Variants in KDM5C observed in about 807,000 individuals in gnomAD.
The protein encoded by KDM5C is lysine demethylase 5C, also known as lysine-specific demethylase 5C.
A neutral mutation model predicts 110.6 loss-of-function variants in KDM5C; 16 were observed. That is an observed-to-expected ratio of 0.14 (90% CI 0.10 to 0.22). The LOEUF is 0.22. Ranked by LOEUF, KDM5C falls within the 10% of genes least tolerant of loss-of-function variation. The probability of loss-of-function intolerance (pLI) is 1.00; values close to 1 mark genes in which losing one functional copy is unlikely to be tolerated. For missense variants in KDM5C, 681 were observed against 1,300.9 expected (o/e 0.52, Z 7.33); for synonymous variants, 511 against 520.4 (o/e 0.98, Z 0.24).
At chrX:53,197,621 C>A in intron 18 of KDM5C, 150 bp downstream of exon 18, 1 of 509,825 alleles carries the variant, frequency 2.0e-6, no homozygotes, top group South Asian at 2.6e-5. Context: ...AGTCACTAGA[C>A]CCTTGCCTCA....
At chrX:53,176,743 G>A (rs183794537) in intron 25 of KDM5C, among the ~76,000 whole-genome samples, 173 of 112,225 alleles carry the variant, frequency 1.5e-3, no homozygotes, top group African/African-American at 5.2e-3. Context: ...ATGTTAAAAC[G>A]TGGATCAATC....
chrX:53,192,861 A>ACCCCGCCCCCCCC lies in KDM5C; in HGVS notation c.*105_*106insGGGGGGGGCGGGG. On this transcript the variant is annotated 3_prime_UTR_variant, in exon 26 of 26. Coordinates refer to ENST00000375401, the MANE Select transcript of KDM5C (RefSeq NM_004187.5). ...GGGTGGGCGGGTAGCAGGGATGGCC[A>ACCCCGCCCCCCCC]CCCCCCTACCCGCCCACCCCCCAAG... The ACCCCGCCCCCCCC allele has an allele frequency of 2.0e-6, 1 of 502,015 alleles. No individual in the cohort carries two copies. Among genetic ancestry groups the ACCCCGCCCCCCCC allele is most frequent in the Non-Finnish European group, 2.9e-6 (1 of 347,657 alleles). The allele number at this position is 502,015 out of a possible 1,213,427, so 41.4% of individuals were successfully genotyped here. A position where few individuals can be genotyped will look rare whatever the true frequency, so the allele number is the denominator to read the frequency against.
In KDM5C at chrX:53,192,862, C is replaced by A; in HGVS notation, c.*105G>T. 4.2e-6 allele frequency: 3 copies of A among 720,063 alleles called. No homozygotes were observed. The highest frequency in any genetic ancestry group is 5.4e-6 in the Non-Finnish European group (3 of 551,860). The allele number at this position is 720,063 out of a possible 1,213,427, so 59.3% of individuals were successfully genotyped here. A position where few individuals can be genotyped will look rare whatever the true frequency, so the allele number is the denominator to read the frequency against. ...GGTGGGCGGGTAGCAGGGATGGCCA[C>A]CCCCCTACCCGCCCACCCCCCAAGA... On this transcript the variant is annotated 3_prime_UTR_variant, in exon 26 of 26. Transcript: ENST00000375401.
intron 22 of KDM5C, 42 bp from the exon 23 acceptor site, chrX:53,194,780 C>T: frequency 8.3e-7 from 1 of 1,207,241 alleles, no homozygotes; most frequent in Non-Finnish European, 1.1e-6. Context: ...CAGCAGCCTA[C>T]CCCTTCCCTT....
At chrX:53,186,978 G>C (rs1212600553), downstream of KDM5C, among the ~76,000 whole-genome samples, 1 of 112,504 alleles carries the variant, frequency 8.9e-6, no homozygotes, top group Non-Finnish European at 1.9e-5. Context: ...ATAAGCACCA[G>C]AGAGAGTCCA....
intron 12 of KDM5C, 147 bp downstream of exon 12, chrX:53,210,267 A>C: frequency 1.0e-5 from 7 of 685,476 alleles, no homozygotes; most frequent in Non-Finnish European, 1.6e-5. Flanking sequence ...GGTCTCTACT[A>C]GACTAGTCAA....
intron 1 of KDM5C, chrX:53,221,922 C>G: frequency 3.5e-6 from 1 of 287,702 alleles, no homozygotes; most frequent in South Asian, 3.4e-5. Flanking sequence ...GAAGAACCCC[C>G]TCTCCAACAC....
At position 53,217,280 on chromosome X, in the gene KDM5C, G is replaced by A. The variant is rs371886616; in HGVS notation, c.523-3C>T. Reference sequence around the variant, plus strand: ...TCAAATGGACGTGTGTTACACTGCTGGGGACAGGTAAGGGGTAAGGGTCAG... The same window carrying A: ...TCAAATGGACGTGTGTTACACTGCTAGGGACAGGTAAGGGGTAAGGGTCAG... On this transcript the variant is annotated splice_polypyrimidine_tract_variant and splice_region_variant and intron_variant, in intron 4 of 25. Transcript: ENST00000375401. 53 of 1,208,527 alleles carry A rather than the reference G, an allele frequency of 4.4e-5. No individual in the cohort carries two copies. In the African/African-American group the frequency reaches 8.3e-4, roughly 19 times the overall value.
rs781907913 is a variant in KDM5C at position 53,193,266 on chromosome X, T to TCCG, written c.4381_4383dup (p.Arg1461dup). On this transcript the variant is annotated inframe_insertion, in exon 26 of 26. Coordinates refer to ENST00000375401, the MANE Select transcript of KDM5C (RefSeq NM_004187.5). ...TCGCCCTCCCCACCCCGATCCACCT[T>TCCG]CCGCCGCCGCCGCCTCTCCAGGGCC... The TCCG allele has an allele frequency of 3.6e-5, 43 of 1,206,229 alleles. No homozygotes were observed. Among genetic ancestry groups the TCCG allele is most frequent in the East Asian group, 1.8e-4 (6 of 33,663 alleles).
In KDM5C at chrX:53,198,530, C is replaced by G; in HGVS notation, c.2476G>C (p.Val826Leu). The G allele has an allele frequency of 8.3e-7, 1 of 1,208,101 alleles. No individual in the cohort carries two copies. The highest frequency in any genetic ancestry group is 1.1e-6 in the Non-Finnish European group (1 of 893,490). Residue 826 changes from valine to leucine, a missense_variant, in exon 17 of 26, where the codon GTG (valine) becomes CTG (leucine). Coordinates refer to ENST00000375401, the MANE Select transcript of KDM5C (RefSeq NM_004187.5). ...CTGACCAGTCCCAGAGCTCGGGACA[C>G]GCAAGCCTCTGCCTCACTCAGGCAG... ...KNCLSEAEAC[V>L]SRALGLVSGQ...
intron 10 of KDM5C, among the ~76,000 whole-genome samples, chrX:53,211,176 A>C (rs999976667): frequency 8.9e-6 from 1 of 111,945 alleles, no homozygotes; most frequent in African/African-American, 3.3e-5. Flanking sequence ...TCTCCTGTGC[A>C]TACAAACCCC....
chrX:53,217,389 C>T, intron 4 of KDM5C, 112 bp from the exon 5 acceptor site: 2 of 900,550 alleles, frequency 2.2e-6, no homozygotes. Flanking sequence ...CTCACCTGAC[C>T]CACACCAACA....
rs1556842168 is a variant in KDM5C, at chrX:53,201,924, C to T, written c.1796G>A (p.Arg599His). 2 of 1,211,823 alleles carry T rather than the reference C, an allele frequency of 1.7e-6. No individual in the cohort carries two copies. Among genetic ancestry groups the T allele is most frequent in the Admixed American group, 2.2e-5 (1 of 46,063 alleles). ...CAGEFVITFPRAYHSGFNQGY... is the reference protein window; with the variant it reads ...CAGEFVITFPHAYHSGFNQGY... Reference sequence around the variant, plus strand: ...TTGGTTGAAGCCGCTGTGGTAAGCACGGGGGAAGGTGATGACAAACTCTCC... The same window carrying T: ...TTGGTTGAAGCCGCTGTGGTAAGCATGGGGGAAGGTGATGACAAACTCTCC... Residue 599 changes from arginine (R) to histidine (H), a missense_variant, in exon 13 of 26, where the codon CGT becomes CAT. By Grantham distance (29) the Arg-to-His change is conservative. Around this residue, in one of 14 missense-constraint regions of KDM5C, gnomAD observed 41 missense variants for 205.9 expected, o/e 0.20. Coordinates refer to ENST00000375401, the MANE Select transcript of KDM5C (RefSeq NM_004187.5).
chrX:53,215,555 A>G (rs922733151), intron 7 of KDM5C, among the ~76,000 whole-genome samples: 5 of 111,722 alleles, frequency 4.5e-5, no homozygotes, highest in Non-Finnish European at 7.5e-5. Flanking sequence ...GAAGCAATGG[A>G]GAGTGAGACT....
At chrX:53,223,543 C>T (rs2073951676) in intron 1 of KDM5C, among the ~76,000 whole-genome samples, 1 of 111,652 alleles carries the variant, frequency 9.0e-6, no homozygotes, top group African/African-American at 3.3e-5. Flanking sequence ...AGCCAGGAGA[C>T]ACCCACTCAA....
chrX:53,177,488 G>T (rs1229273520), intron 25 of KDM5C, among the ~76,000 whole-genome samples: 2 of 112,838 alleles, frequency 1.8e-5, no homozygotes, highest in Non-Finnish European at 1.9e-5. Context: ...AGTAAGGAAT[G>T]ATTGTGAATT....
rs782431900 is a variant in KDM5C at position 53,194,194 on chromosome X, G to C, written c.3983C>G (p.Pro1328Arg). 4.1e-6 allele frequency: 5 copies of C among 1,209,216 alleles called. No homozygotes were observed. The South Asian group carries it at 8.8e-5, about 21-fold the overall frequency. Residue 1328 changes from proline (P) to arginine (R), a missense_variant, in exon 23 of 26, where the codon CCT becomes CGT. By Grantham distance (103) the Pro-to-Arg change is moderately radical (BLOSUM62 -2). Coordinates refer to ENST00000375401, the MANE Select transcript of KDM5C (RefSeq NM_004187.5). ...EPRPEEPPNYPAAPASDPLRE... is the reference protein window; with the variant it reads ...EPRPEEPPNYRAAPASDPLRE... ...GAGGGGGTCAGAAGCAGGGGCTGCA[G>C]GGTAGTTAGGAGGCTCCTCAGGTCT...
chrX:53,213,857 A>G (rs781813262), intron 8 of KDM5C, among the ~76,000 whole-genome samples: 5 of 112,212 alleles, frequency 4.5e-5, no homozygotes, highest in African/African-American at 1.3e-4. Flanking sequence ...ATAGTTACAT[A>G]TAAGTAACAG....
chrX:53,211,487 A>G lies in KDM5C; in HGVS notation c.1401+10T>C. On this transcript the variant is annotated intron_variant, in intron 10 of 25. Transcript: ENST00000375401. ...CACAGCTGACACGTAACCATGAATC[A>G]TCCACTCACCTCCTCTTCGGGGGTT... The G allele has an allele frequency of 1.7e-6, 2 of 1,210,414 alleles. No individual in the cohort carries two copies. The highest frequency in any genetic ancestry group is 2.2e-6 in the Non-Finnish European group (2 of 894,296).
Sources: gnomAD v4.1 joint callset for allele counts (sites outside exome capture counted in the v4.1 genomes callset) on GRCh38, gnomAD v4.1.1 for gene constraint, gnomAD v4.1.1 regional missense constraint, MANE v1.5 for transcripts, NCBI Gene and HGNC (gene_info 2026-07-23, HGNC 2026-07-21) for gene names.